GPR35: variants seen among roughly 807,000 people sequenced by gnomAD.
The protein encoded by GPR35 is KYNA receptor.
For missense variants in GPR35, 372 were observed against 422.5 expected (o/e 0.88, Z 1.05); for synonymous variants, 207 against 198.4 (o/e 1.04, Z -0.36).
At chr2:240,607,108 A>T (rs1037975033) in intron 2 of GPR35, 2 of 152,174 alleles carry the variant, frequency 1.3e-5, no homozygotes, top group African/African-American at 2.4e-5. Flanking sequence ...CACATAGATG[A>T]CTATGAGGAG....
chr2:240,612,686 G>A (rs939634922), intron 2 of GPR35, among the ~76,000 whole-genome samples: 6 of 152,232 alleles, frequency 3.9e-5, no homozygotes, highest in Non-Finnish European at 8.8e-5. Context: ...TTGCAAGACT[G>A]GCCTGAGCCG....
exon 1 of GPR35, chr2:240,605,513 C>T (rs1331933141): frequency 6.6e-6 from 1 of 152,300 alleles, no homozygotes. Flanking sequence ...ATACTGCCGT[C>T]TTCTCTTTCA....
intron 2 of GPR35, among the ~76,000 whole-genome samples, chr2:240,615,848 T>C (rs1173344899): frequency 6.6e-6 from 1 of 152,248 alleles, no homozygotes; most frequent in Non-Finnish European, 1.5e-5. Flanking sequence ...GCTACCACAA[T>C]GGAGTTTTGC....
At chr2:240,623,111 C>T (rs888874713), upstream of GPR35, among the ~76,000 whole-genome samples, 13 of 152,220 alleles carry the variant, frequency 8.5e-5, no homozygotes, top group East Asian at 1.9e-4. Context: ...CCCCGGCACT[C>T]GCAGCCCCGC....
intron 1 of GPR35, 22 bp downstream of exon 1, chr2:240,625,590 AG>A: frequency 2.1e-6 from 2 of 975,056 alleles, no homozygotes; most frequent in Non-Finnish European, 1.2e-6. Context: ...CCACTGCCCT[AG>A]GGGCCTCCCA....
upstream of GPR35, among the ~76,000 whole-genome samples, chr2:240,624,930 C>G (rs989470881): frequency 6.6e-6 from 1 of 152,138 alleles, no homozygotes; most frequent in African/African-American, 2.4e-5. Flanking sequence ...GAGGAGCCAG[C>G]CTGCCTGCGT....
Position 240,607,726 on chromosome 2 carries a change from T to G in GPR35, c.-577+1114T>G, listed in dbSNP as rs376243536. ...TTATTAGTTCATAGTGTTTTTTGCT[T>G]CTTTTGTTCTTTTCTGGTAAATGCC... On this transcript the variant is annotated intron_variant, in intron 2 of 5. Coordinates refer to the GPR35 transcript ENST00000319838. Among the ~76,000 whole-genome samples, 37 of 152,162 alleles carry G rather than the reference T, an allele frequency of 2.4e-4. No homozygotes were observed. The East Asian group carries it at 2.7e-3, about 11-fold the overall frequency.
intron 2 of GPR35, among the ~76,000 whole-genome samples, chr2:240,608,333 C>T (rs966317971): frequency 6.6e-6 from 1 of 152,172 alleles, no homozygotes; most frequent in African/African-American, 2.4e-5. Context: ...AGAGCCACTT[C>T]GTTTGTTTCT....
chr2:240,621,624 A>C (rs2043295582), upstream of GPR35, among the ~76,000 whole-genome samples: 1 of 152,248 alleles, frequency 6.6e-6, no homozygotes, highest in Non-Finnish European at 1.5e-5. Context: ...TTAGGATGGC[A>C]GCTTCACTGC....
rs1559440137 is a variant in GPR35, at chr2:240,629,941, TG to T, written c.-4-7del. On this transcript the variant is annotated splice_region_variant and splice_polypyrimidine_tract_variant and intron_variant, in intron 1 of 1. Coordinates refer to ENST00000407714, the MANE Select transcript of GPR35 (RefSeq NM_005301.5). ...TCTGCTGACCTCCGGCTCCCTGTGC[TG>T]CCCCAGGACCATGAATGGCACCTAC... 5 of 1,589,986 alleles carry T rather than the reference TG, an allele frequency of 3.1e-6. No homozygotes were observed. Among genetic ancestry groups the T allele is most frequent in the Non-Finnish European group, 4.3e-6 (5 of 1,163,030 alleles).
upstream of GPR35, among the ~76,000 whole-genome samples, chr2:240,623,056 C>T (rs2043314888): frequency 6.6e-6 from 1 of 151,910 alleles, no homozygotes; most frequent in East Asian, 1.9e-4. Context: ...CCCCAGGCGA[C>T]CGTGCCTGAG....
rs60197961 is a variant in GPR35 at position 240,627,628 on chromosome 2, C to CTTTTTTTTTTTTTT, written c.-5+2074_-5+2087dup. 14 of 69,650 alleles carry CTTTTTTTTTTTTTT rather than the reference C, an allele frequency of 2.0e-4. 2 individuals carry two copies. Among genetic ancestry groups the CTTTTTTTTTTTTTT allele is most frequent in the East Asian group, 1.5e-3 (2 of 1,328 alleles). The allele number at this position is 69,650 out of a possible 1,614,324, so 4.3% of individuals were successfully genotyped here. On this transcript the variant is annotated intron_variant, in intron 1 of 1. Coordinates refer to ENST00000407714, the MANE Select transcript of GPR35 (RefSeq NM_005301.5). ...ATCACCAGCCCAGCTAATTTTCTGT[C>CTTTTTTTTTTTTTT]TTTTTTTTTTTTTTTTTTTTTTTTT...
At chr2:240,609,855 C>T (rs1293864754) in intron 2 of GPR35, among the ~76,000 whole-genome samples, 1 of 152,144 alleles carries the variant, frequency 6.6e-6, no homozygotes, top group Non-Finnish European at 1.5e-5. Context: ...TTTATCCTTT[C>T]AGTTCTATCA....
At chr2:240,609,725 G>A (rs1300816209) in intron 2 of GPR35, among the ~76,000 whole-genome samples, 2 of 152,138 alleles carry the variant, frequency 1.3e-5, no homozygotes, top group South Asian at 4.1e-4. Flanking sequence ...ACATCAGTTT[G>A]GATAAGATGA....
At chr2:240,623,549 G>T (rs533436497), upstream of GPR35, among the ~76,000 whole-genome samples, 1 of 151,856 alleles carries the variant, frequency 6.6e-6, no homozygotes, top group Non-Finnish European at 1.5e-5. Context: ...GGCCCTGGGG[G>T]TGAGCGGGGA....
At chr2:240,619,323 C>T (rs370908278) in intron 5 of GPR35, among the ~76,000 whole-genome samples, 178 of 152,282 alleles carry the variant, frequency 1.2e-3, no homozygotes, top group Non-Finnish European at 1.7e-3. Context: ...AGCATCGTTT[C>T]GTATCTTTAA....
In GPR35 at chr2:240,631,542, G is replaced by C. The variant is rs1575471872; in HGVS notation, c.*660G>C. Among the ~76,000 whole-genome samples, 1 of 152,068 alleles carries C rather than the reference G, an allele frequency of 6.6e-6. No individual in the cohort carries two copies. The highest frequency in any genetic ancestry group is 1.5e-5 in the Non-Finnish European group (1 of 67,978). ...GTAGGGGCTGCACAGCGGTGCAAGG[G>C]GGGGTGACCAAGGTCAAGCAGGTGA... On this transcript the variant is annotated 3_prime_UTR_variant, in exon 2 of 2. Coordinates refer to ENST00000407714, the MANE Select transcript of GPR35 (RefSeq NM_005301.5).
intron 2 of GPR35, among the ~76,000 whole-genome samples, chr2:240,611,829 G>C (rs950486895): frequency 6.6e-6 from 1 of 152,158 alleles, no homozygotes. Flanking sequence ...AGGGGTGACT[G>C]TTGAATGAAT....
At chr2:240,610,045 C>T (rs112129991) in intron 2 of GPR35, among the ~76,000 whole-genome samples, 2,845 of 152,028 alleles carry the variant, frequency 0.019, 40 homozygotes, top group Non-Finnish European at 0.027. Context: ...CTGCAACCTC[C>T]GCCTCCTGGG....
Sources: allele counts gnomAD v4.1 joint callset (sites outside exome capture counted in the v4.1 genomes callset), GRCh38; gene constraint gnomAD v4.1.1; transcripts MANE v1.5; gene names NCBI Gene and HGNC (gene_info 2026-07-23, HGNC 2026-07-21).